GALNT9: variants seen among roughly 807,000 people sequenced by gnomAD.
GALNT9 encodes the protein GalNAc transferase 9.
A neutral mutation model predicts 63.1 loss-of-function variants in GALNT9; 47 were observed. The observed-to-expected ratio is 0.75, with a 90% CI of 0.59 to 0.95. GALNT9 has a LOEUF of 0.95. Ranked by LOEUF, GALNT9 falls within the 40% of genes least tolerant of loss-of-function variation. GALNT9 has a pLI of 0.00. For synonymous variants in GALNT9, 396 were observed against 365.7 expected, an observed-to-expected ratio of 1.08 and a Z score of -0.94; for missense variants, 829 against 874.8, an observed-to-expected ratio of 0.95 and a Z score of 0.66.
Position 132,286,575 on chromosome 12 carries a change from C to A in GALNT9, c.239-145G>T. On this transcript the variant is annotated intron_variant, in intron 1 of 10. Coordinates refer to ENST00000328957, the MANE Select transcript of GALNT9 (RefSeq NM_001122636.2). This position sits in a 1 kb window ranked among gnomAD's most constrained non-coding sequence, Gnocchi z 7.4. ...CTCCCTGCAGATGGCAGGCTGCCAG[C>A]TCAGGACATTCCAGAAAGTGCAAGG... is the stretch of plus-strand genomic sequence containing the variant. 1.5e-6 allele frequency: 2 copies of A among 1,322,266 alleles called. No homozygotes were observed. The highest frequency in any genetic ancestry group is 2.0e-6 in the Non-Finnish European group (2 of 996,950). The allele number at this position is 1,322,266 out of a possible 1,614,324, so 81.9% of individuals were successfully genotyped here. A position where few individuals can be genotyped will look rare whatever the true frequency, so the allele number is the denominator to read the frequency against.
intron 1 of GALNT9, among the ~76,000 whole-genome samples, chr12:132,299,287 A>C (rs1593113038): frequency 1.5e-5 from 2 of 130,358 alleles, no homozygotes; most frequent in African/African-American, 3.0e-5. Flanking sequence ...CACTCCCATA[A>C]CTCACCCACT....
At chr12:132,248,137 GC>G (rs1488982348) in intron 5 of GALNT9, 110 bp from the exon 6 acceptor site, 1 of 1,433,802 alleles carries the variant, frequency 7.0e-7, no homozygotes, top group Non-Finnish European at 9.2e-7. Context: ...TCCCTCCTGT[GC>G]CTCCTCCCTG....
At chr12:132,293,042 T>A (rs77980833) in intron 1 of GALNT9, among the ~76,000 whole-genome samples, 1 of 151,870 alleles carries the variant, frequency 6.6e-6, no homozygotes, top group Non-Finnish European at 1.5e-5. Context: ...TCACCAGGTG[T>A]GGGAGTGGCG....
chr12:132,230,512 G>A (rs963797650), intron 6 of GALNT9, among the ~76,000 whole-genome samples: 13 of 152,190 alleles, frequency 8.5e-5, no homozygotes, highest in South Asian at 2.1e-4. Context: ...CCTTTAATCC[G>A]TCCACTGCCA....
At chr12:132,328,535 G>A (rs1422187750) in intron 1 of GALNT9, among the ~76,000 whole-genome samples, 2 of 152,136 alleles carry the variant, frequency 1.3e-5, no homozygotes, top group African/African-American at 4.8e-5. Context: ...CAAGTGTGGC[G>A]TCCCCACCCT....
rs1555242236 is a variant in GALNT9, at chr12:132,286,675, C to T, written c.239-245G>A. Among the ~76,000 whole-genome samples, 1 of 152,194 alleles carries T rather than the reference C, an allele frequency of 6.6e-6. No homozygotes were observed. The highest frequency in any genetic ancestry group is 1.5e-5 in the Non-Finnish European group (1 of 68,016). ...TGGGTGGTACATGAGGCGTTGAAGG[C>T]AGTGGACTCTGTGTGATGCTGCAAT... On this transcript the variant is annotated intron_variant, in intron 1 of 10. Transcript: ENST00000328957. The surrounding 1 kb of genome is among the most constrained non-coding windows in gnomAD (Gnocchi z 7.4).
In GALNT9 at chr12:132,327,853, G is replaced by A. The variant is rs1409609407; in HGVS notation, c.238+1113C>T. ...CTGTCTGCAGCCCACCCTCAAGAGA[G>A]GGTGTGGCTCCTGAAGGAAACGCAA... On this transcript the variant is annotated intron_variant, in intron 1 of 10. Transcript: ENST00000328957. This position sits in a 1 kb window ranked among gnomAD's most constrained non-coding sequence, Gnocchi z 4.3. 9.3e-5 allele frequency among the ~76,000 whole-genome samples: 14 copies of A among 149,810 alleles called. No individual in the cohort carries two copies. Among genetic ancestry groups the A allele is most frequent in the East Asian group, 2.0e-4 (1 of 5,052 alleles).
In GALNT9 at chr12:132,282,402, CGCGTGTGT is replaced by C. The variant is rs1298828830; in HGVS notation, c.419+3840_419+3847del. The stretch of plus-strand genomic sequence containing the variant: ...AGAAAAAACTAAAAATACGTGTGTG[CGCGTGTGT>C]GCGTGTGTGTGCGTGTGTGCGTGCA... On this transcript the variant is annotated intron_variant, in intron 2 of 10. Transcript: ENST00000328957. The surrounding 1 kb of genome is among the most constrained non-coding windows in gnomAD (Gnocchi z 4.5). 4.7e-5 allele frequency among the ~76,000 whole-genome samples: 7 copies of C among 149,974 alleles called. No homozygotes were observed. Among genetic ancestry groups the C allele is most frequent in the Admixed American group, 2.0e-4 (3 of 15,198 alleles).
chr12:132,215,403 G>C (rs1483969014), intron 6 of GALNT9, among the ~76,000 whole-genome samples: 1 of 152,258 alleles, frequency 6.6e-6, no homozygotes, highest in Admixed American at 6.5e-5. Context: ...GCAGCCCGGG[G>C]AGGATTGCTG....
rs1878100338 is a variant in GALNT9, at chr12:132,238,870, G to A, written c.1077+9040C>T. 6.6e-6 allele frequency among the ~76,000 whole-genome samples: 1 copy of A among 152,192 alleles called. No homozygotes were observed. The highest frequency in any genetic ancestry group is 2.1e-4 in the South Asian group (1 of 4,826). On this transcript the variant is annotated intron_variant, in intron 6 of 10. Transcript: ENST00000328957. This position sits in a 1 kb window ranked among gnomAD's most constrained non-coding sequence, Gnocchi z 6.5. ...TTTTAACAGGAAACTCTTTATCACTGCCTTAGGAGAGGACCATTATCTCTT... is the reference window on the plus strand; with the variant it reads ...TTTTAACAGGAAACTCTTTATCACTACCTTAGGAGAGGACCATTATCTCTT...
intron 6 of GALNT9, among the ~76,000 whole-genome samples, chr12:132,226,141 C>T (rs1234391949): frequency 3.4e-5 from 5 of 147,582 alleles, no homozygotes; most frequent in Non-Finnish European, 6.0e-5. Context: ...ACTGTACATA[C>T]ACACCCCACA....
rs2136898848 is a variant in GALNT9, at chr12:132,240,610, C to T, written c.1077+7300G>A. ...TCGGCTGTGGGCTCCGTGCGTGGCC[C>T]CGGGGCTCGGCTGTGCTCTATGGGC... On this transcript the variant is annotated intron_variant, in intron 6 of 10. Transcript: ENST00000328957. 295 of 455,592 alleles carry T rather than the reference C, an allele frequency of 6.5e-4. 1 individual carries two copies. Among genetic ancestry groups the T allele is most frequent in the Non-Finnish European group, 1.2e-3 (274 of 226,486 alleles). The allele number at this position is 455,592 out of a possible 1,614,324, so 28.2% of individuals were successfully genotyped here. A position where few individuals can be genotyped will look rare whatever the true frequency, so the allele number is the denominator to read the frequency against.
intron 4 of GALNT9, among the ~76,000 whole-genome samples, chr12:132,260,428 G>T (rs1404083572): frequency 6.6e-6 from 1 of 152,194 alleles, no homozygotes; most frequent in Non-Finnish European, 1.5e-5. Flanking sequence ...CCATACACAA[G>T]GTGACCCCCT....
chr12:132,248,911 C>T (rs528034890), intron 5 of GALNT9, among the ~76,000 whole-genome samples: 59 of 152,176 alleles, frequency 3.9e-4, no homozygotes, highest in African/African-American at 1.4e-3. Context: ...GCAGGATCCG[C>T]GGAGCAGTGA....
chr12:132,239,944 C>A (rs1052570595), intron 6 of GALNT9, among the ~76,000 whole-genome samples: 5 of 151,938 alleles, frequency 3.3e-5, no homozygotes, highest in African/African-American at 7.3e-5. Flanking sequence ...CCTCAGGCAG[C>A]CGCCTGCCTG....
At chr12:132,256,538 T>G (rs1486440049) in intron 5 of GALNT9, among the ~76,000 whole-genome samples, 1 of 110,686 alleles carries the variant, frequency 9.0e-6, no homozygotes, top group East Asian at 2.8e-4. Flanking sequence ...CACCTGGGAG[T>G]GGAATAGGGG....
At position 132,319,912 on chromosome 12, in the gene GALNT9, T is replaced by C. The variant is rs1364584421; in HGVS notation, c.238+9054A>G. Among the ~76,000 whole-genome samples the C allele has an allele frequency of 6.6e-6, 1 of 152,180 alleles. No individual in the cohort carries two copies. The highest frequency in any genetic ancestry group is 2.4e-5 in the African/African-American group (1 of 41,462). On this transcript the variant is annotated intron_variant, in intron 1 of 10. Transcript: ENST00000328957. This position sits in a 1 kb window ranked among gnomAD's most constrained non-coding sequence, Gnocchi z 5.2. ...TCGGAGGCACTCACTGACCCCGCCA[T>C]GCAGGCGGGCACACGAGGCAGGCGC...
chr12:132,327,900 C>T lies in GALNT9; in HGVS notation c.238+1066G>A, dbSNP rs781853680. Among the ~76,000 whole-genome samples the T allele has an allele frequency of 6.6e-6, 1 of 151,878 alleles. No individual in the cohort carries two copies. Among genetic ancestry groups the T allele is most frequent in the Non-Finnish European group, 1.5e-5 (1 of 67,954 alleles). On this transcript the variant is annotated intron_variant, in intron 1 of 10. Transcript: ENST00000328957. This position sits in a 1 kb window ranked among gnomAD's most constrained non-coding sequence, Gnocchi z 4.3. The stretch of plus-strand genomic sequence containing the variant: ...GCAAGACCACCCCCCGCCTTTGCCC[C>T]CACACACAGCAGGCACATCCGGAGC...
chr12:132,298,532 C>T (rs1325427212), intron 1 of GALNT9, among the ~76,000 whole-genome samples: 1 of 151,554 alleles, frequency 6.6e-6, no homozygotes, highest in African/African-American at 2.4e-5. Context: ...CCCACCACAC[C>T]TAACTCATCC....
Sources: gnomAD v4.1 joint callset for allele counts (sites outside exome capture counted in the v4.1 genomes callset) on GRCh38, gnomAD v4.1.1 for gene constraint, Gnocchi (gnomAD v3.1) non-coding constraint, MANE v1.5 for transcripts, NCBI Gene and HGNC (gene_info 2026-07-23, HGNC 2026-07-21) for gene names.